SCGB2B2: variants seen among roughly 807,000 people sequenced by gnomAD.
The protein encoded by SCGB2B2 is secretoglobin family 2B member 2.
In SCGB2B2, 11 loss-of-function variants were observed where a neutral mutation model predicts 7.6. The ratio of observed to expected loss-of-function variants is 1.45; its 90% confidence interval spans 0.91 to 2.40. The LOEUF is 2.40. Among genes scored for constraint, SCGB2B2 ranks in the 30% most tolerant of loss-of-function variants. SCGB2B2 has a pLI of 0.00. For synonymous variants in SCGB2B2, 50 were observed against 48.6 expected (o/e 1.03, Z -0.12); for missense variants, 104 against 115.4 (o/e 0.90, Z 0.45).
rs767991161 is a variant in SCGB2B2 at position 34,592,432 on chromosome 19, G to A, written c.*1123C>T. On this transcript the variant is annotated 3_prime_UTR_variant, in exon 4 of 4. Coordinates refer to ENST00000601241, the MANE Select transcript of SCGB2B2 (RefSeq NM_001025591.4). Reference sequence around the variant, plus strand: ...GACTCAGAGGGATGGAGGTCTCGCTGACCTGAGCAGGAGGGAGGGACAGGG... The same window carrying A: ...GACTCAGAGGGATGGAGGTCTCGCTAACCTGAGCAGGAGGGAGGGACAGGG... Among the ~76,000 whole-genome samples the A allele has an allele frequency of 8.5e-5, 13 of 152,148 alleles. No homozygotes were observed. Among genetic ancestry groups the A allele is most frequent in the Non-Finnish European group, 1.6e-4 (11 of 68,028 alleles).
intron 1 of SCGB2B2, among the ~76,000 whole-genome samples, chr19:34,661,113 G>A (rs970348931): frequency 1.3e-5 from 2 of 150,584 alleles, no homozygotes; most frequent in Non-Finnish European, 3.0e-5. Context: ...ATCACATGTC[G>A]GGGCCTGTCG....
chr19:34,645,153 C>T (rs980297365), intron 1 of SCGB2B2, among the ~76,000 whole-genome samples: 17 of 152,134 alleles, frequency 1.1e-4, no homozygotes, highest in Admixed American at 6.5e-5. Context: ...GGACAATAAA[C>T]GCACAGGCAA....
intron 1 of SCGB2B2, among the ~76,000 whole-genome samples, chr19:34,603,705 T>A (rs2065694619): frequency 6.6e-6 from 1 of 152,312 alleles, no homozygotes; most frequent in East Asian, 1.9e-4. Flanking sequence ...CATGTCAGTA[T>A]TTGAATATTT....
chr19:34,614,788 T>A (rs1404011432), intron 1 of SCGB2B2, among the ~76,000 whole-genome samples: 6 of 152,254 alleles, frequency 3.9e-5, no homozygotes, highest in African/African-American at 1.4e-4. Flanking sequence ...TCCAGTTGGA[T>A]ATTCTTGTGC....
chr19:34,655,884 C>T (rs1443585345), intron 1 of SCGB2B2, among the ~76,000 whole-genome samples: 2 of 151,196 alleles, frequency 1.3e-5, no homozygotes, highest in African/African-American at 4.9e-5. Context: ...AATGCAGCCA[C>T]TGCCAAACTG....
intron 1 of SCGB2B2, among the ~76,000 whole-genome samples, chr19:34,633,797 T>A (rs2066601259): frequency 7.1e-6 from 1 of 141,366 alleles, no homozygotes; most frequent in South Asian, 2.3e-4. Flanking sequence ...CTTTAAAAAA[T>A]GGCTCCACAT....
intron 1 of SCGB2B2, among the ~76,000 whole-genome samples, chr19:34,634,113 C>G (rs1360995014): frequency 6.6e-6 from 1 of 152,208 alleles, no homozygotes; most frequent in African/African-American, 2.4e-5. Flanking sequence ...GAGACTAAAT[C>G]TGGAAGTCCT....
rs1190088690 is a variant in SCGB2B2, at chr19:34,590,747, TAAA to T, written c.*2805_*2807del. On this transcript the variant is annotated 3_prime_UTR_variant, in exon 4 of 4. Transcript: ENST00000601241. ...AGAGTCGTAAGCATTTTAGTTAAAG[TAAA>T]CTCACAGGACATTGTCATTTTAAGA... Among the ~76,000 whole-genome samples, 15 of 89,550 alleles carry T rather than the reference TAAA, an allele frequency of 1.7e-4. No homozygotes were observed. In the East Asian group the frequency reaches 0.015, roughly 90 times the overall value. 58.7% of individuals were successfully genotyped at this position (89,550 alleles called of 152,430 possible).
intron 1 of SCGB2B2, among the ~76,000 whole-genome samples, chr19:34,654,184 A>C (rs1288766899): frequency 6.6e-6 from 1 of 151,292 alleles, no homozygotes; most frequent in Non-Finnish European, 1.5e-5. Context: ...AAGCTATTAA[A>C]ACAAAAAAAT....
At chr19:34,608,660 C>CTAATATATATATATATATAT in intron 1 of SCGB2B2, 1 of 87,260 alleles carries the variant, frequency 1.1e-5, no homozygotes, top group Non-Finnish European at 2.1e-5. Flanking sequence ...TGTCTCATTG[C>CTAATATATATATATATATAT]ATATATATAT....
intron 1 of SCGB2B2, among the ~76,000 whole-genome samples, chr19:34,629,541 C>T (rs1323556524): frequency 6.6e-6 from 1 of 151,870 alleles, no homozygotes; most frequent in Non-Finnish European, 1.5e-5. Context: ...AAATAAAATA[C>T]CTAGGAATCC....
At chr19:34,636,976 G>A (rs955514607) in intron 1 of SCGB2B2, among the ~76,000 whole-genome samples, 2 of 152,256 alleles carry the variant, frequency 1.3e-5, no homozygotes, top group African/African-American at 4.8e-5. Context: ...CAGCAGGAGC[G>A]CAGAGTAACC....
At position 34,663,728 on chromosome 19, in the gene SCGB2B2, T is replaced by C. The variant is rs139481580; in HGVS notation, c.-2032+11902A>G. Among the ~76,000 whole-genome samples the C allele has an allele frequency of 5.6e-3, 842 of 151,486 alleles. 4 individuals are homozygous for C. Among genetic ancestry groups the C allele is most frequent in the African/African-American group, 0.02 (815 of 41,208 alleles). ...TCTGTATTTGTGTCATATGTCACAA[T>C]AGAAAGATGAGAGGCCATGGGAGGA... On this transcript the variant is annotated intron_variant, in intron 1 of 3. Coordinates refer to ENST00000601241, the MANE Select transcript of SCGB2B2 (RefSeq NM_001025591.4).
At chr19:34,667,466 T>C (rs967948856) in intron 1 of SCGB2B2, among the ~76,000 whole-genome samples, 6 of 152,138 alleles carry the variant, frequency 3.9e-5, no homozygotes, top group Admixed American at 6.5e-5. Context: ...GCCCTGCTGC[T>C]GCCCCTCCTC....
At chr19:34,598,243 T>C (rs764780246) in intron 1 of SCGB2B2, among the ~76,000 whole-genome samples, 21 of 152,076 alleles carry the variant, frequency 1.4e-4, no homozygotes, top group Non-Finnish European at 2.6e-4. Context: ...CAACACAACA[T>C]GGCACAGCAG....
chr19:34,628,489 C>A (rs1345531975), intron 1 of SCGB2B2, among the ~76,000 whole-genome samples: 1 of 151,922 alleles, frequency 6.6e-6, no homozygotes, highest in African/African-American at 2.4e-5. Flanking sequence ...ACTATAAACA[C>A]CTCTACACAA....
At chr19:34,672,949 G>A (rs770174076) in intron 1 of SCGB2B2, among the ~76,000 whole-genome samples, 2 of 151,996 alleles carry the variant, frequency 1.3e-5, no homozygotes, top group African/African-American at 4.8e-5. Context: ...CTGGGGATTC[G>A]GTTTCAGCAT....
chr19:34,621,975 G>C (rs977022558), intron 1 of SCGB2B2, among the ~76,000 whole-genome samples: 1 of 152,206 alleles, frequency 6.6e-6, no homozygotes, highest in Non-Finnish European at 1.5e-5. Flanking sequence ...TCTAACAGCA[G>C]AGCCTGATCT....
intron 1 of SCGB2B2, among the ~76,000 whole-genome samples, chr19:34,636,652 C>T (rs1005306797): frequency 2.0e-5 from 3 of 152,176 alleles, no homozygotes; most frequent in Admixed American, 1.3e-4. Context: ...AGGTGGGAGT[C>T]GGCCCTGGCC....
Sources: gnomAD v4.1 joint callset for allele counts (sites outside exome capture counted in the v4.1 genomes callset) on GRCh38, gnomAD v4.1.1 for gene constraint, MANE v1.5 for transcripts, NCBI Gene and HGNC (gene_info 2026-07-23, HGNC 2026-07-21) for gene names.